The following ARMH3 variants were observed in gnomAD, a reference collection of about 807,000 sequenced individuals.
ARMH3 encodes armadillo-like helical domain-containing protein 3.
Under a neutral mutation model 99.1 loss-of-function variants are expected in ARMH3, and 60 were observed. The observed-to-expected ratio is 0.61, with a 90% CI of 0.49 to 0.75. The LOEUF is 0.75. Among genes scored for constraint, ARMH3 ranks in the 30% least tolerant of loss-of-function variants. The pLI is 0.00. For synonymous variants in ARMH3, 285 were observed against 292.8 expected, an observed-to-expected ratio of 0.97 and a Z score of 0.27; for missense variants, 679 against 843.1, an observed-to-expected ratio of 0.81 and a Z score of 2.41.
chr10:101,991,995 C>G lies in ARMH3; in HGVS notation c.1319G>C (p.Cys440Ser), dbSNP rs762298175. 5.0e-6 allele frequency: 8 copies of G among 1,614,002 alleles called. No individual in the cohort carries two copies. The highest frequency in any genetic ancestry group is 6.8e-6 in the Non-Finnish European group (8 of 1,180,004). Reference protein sequence around the residue: ...RKKAADKNLPCRPLVCAVLDL... With the variant: ...RKKAADKNLPSRPLVCAVLDL... The stretch of plus-strand genomic sequence containing the variant: ...CAGTACTGCACATACTAAAGGACGG[C>G]AGGGAAGATTCTTGTCTGCTGCCTT... The change falls in exon 18 of 26, where the codon TGC becomes TCC. Residue 440 changes from cysteine to serine, a missense_variant. Cys to Ser is a moderately radical substitution (Grantham distance 112). This residue lies in a region of ARMH3 where 389 missense variants were observed against 456.5 expected (regional missense o/e 0.85). Transcript: ENST00000370033.
chr10:102,004,067 A>G (rs947504904), intron 14 of ARMH3, among the ~76,000 whole-genome samples: 2 of 152,166 alleles, frequency 1.3e-5, no homozygotes, highest in Admixed American at 1.3e-4. Flanking sequence ...TATCTTATAT[A>G]ATATGTAGAA....
chr10:101,956,791 CTGT>C, intron 21 of ARMH3, 68 bp from the exon 22 acceptor site: 6 of 1,512,536 alleles, frequency 4.0e-6, no homozygotes, highest in Middle Eastern at 4.6e-4. Context: ...CAGTGGTATG[CTGT>C]AGCCAGCTCT....
intron 1 of ARMH3, among the ~76,000 whole-genome samples, chr10:102,041,020 C>T (rs951028404): frequency 6.8e-6 from 1 of 147,684 alleles, no homozygotes; most frequent in Non-Finnish European, 1.5e-5. Context: ...CAAAAAAATC[C>T]GATTTAAAAT....
At chr10:101,861,841 G>T (rs975086941) in intron 24 of ARMH3, among the ~76,000 whole-genome samples, 1 of 146,018 alleles carries the variant, frequency 6.8e-6, no homozygotes, top group African/African-American at 2.5e-5. Flanking sequence ...GACCATCCTG[G>T]CTAACACAGC....
At chr10:101,875,841 T>C (rs2067247346) in intron 24 of ARMH3, among the ~76,000 whole-genome samples, 1 of 152,200 alleles carries the variant, frequency 6.6e-6, no homozygotes, top group African/African-American at 2.4e-5. Flanking sequence ...TGAAGCTTTT[T>C]TCTTTTTTTC....
chr10:102,001,495 T>C (rs372448261), intron 15 of ARMH3, among the ~76,000 whole-genome samples: 1 of 152,194 alleles, frequency 6.6e-6, no homozygotes, highest in Admixed American at 6.5e-5. Flanking sequence ...CTTGCATTTC[T>C]AGGATGGGTA....
chr10:102,031,172 C>T (rs1056890321), intron 4 of ARMH3, among the ~76,000 whole-genome samples: 5 of 152,190 alleles, frequency 3.3e-5, no homozygotes, highest in African/African-American at 1.2e-4. Context: ...TCTTCATAAT[C>T]CTCATCCACT....
intron 14 of ARMH3, 143 bp downstream of exon 14, chr10:102,006,397 A>G (rs1237605336): frequency 6.5e-5 from 49 of 751,472 alleles, no homozygotes; most frequent in Non-Finnish European, 2.1e-6. Flanking sequence ...TTGGAAATTT[A>G]GGAGGCCTGA....
chr10:102,024,858 T>C (rs940350962), intron 6 of ARMH3, among the ~76,000 whole-genome samples: 1 of 151,788 alleles, frequency 6.6e-6, no homozygotes, highest in Non-Finnish European at 1.5e-5. Context: ...ACAAAAACTA[T>C]TTCCAAATGA....
chr10:102,007,575 T>C (rs1178893887), intron 13 of ARMH3, among the ~76,000 whole-genome samples: 1 of 148,734 alleles, frequency 6.7e-6, no homozygotes, highest in African/African-American at 2.5e-5. Flanking sequence ...ATCCCAGCAC[T>C]TTTGGGAGGC....
At chr10:101,862,380 C>T (rs959431966) in intron 24 of ARMH3, among the ~76,000 whole-genome samples, 12 of 152,264 alleles carry the variant, frequency 7.9e-5, no homozygotes, top group Admixed American at 3.9e-4. Context: ...AGTTCGAGAC[C>T]AGCCTGGCCA....
rs567873931 is a variant in ARMH3, at chr10:101,990,542, T to C, written c.1406+9A>G. ...TGTACACATTAAATGTGTACATATT[T>C]GTACTTACATATAGAGATCCATAGG... On this transcript the variant is annotated intron_variant, in intron 19 of 25. Coordinates refer to ENST00000370033, the MANE Select transcript of ARMH3 (RefSeq NM_024541.3). 1.8e-5 allele frequency: 27 copies of C among 1,542,696 alleles called. No individual in the cohort carries two copies. In the South Asian group the frequency reaches 3.0e-4, roughly 17 times the overall value.
intron 20 of ARMH3, among the ~76,000 whole-genome samples, chr10:101,972,646 C>A (rs999081981): frequency 6.6e-6 from 1 of 152,174 alleles, no homozygotes; most frequent in Admixed American, 6.5e-5. Flanking sequence ...TAGGATGCAA[C>A]GTTGTGTTTT....
chr10:102,043,402 T>C (rs764957801), intron 1 of ARMH3, among the ~76,000 whole-genome samples: 19 of 152,074 alleles, frequency 1.2e-4, no homozygotes, highest in Non-Finnish European at 2.2e-4. Flanking sequence ...CACAAATATA[T>C]AAAAAGCACC....
intron 20 of ARMH3, among the ~76,000 whole-genome samples, chr10:101,964,018 A>G (rs1409838264): frequency 6.6e-6 from 1 of 151,660 alleles, no homozygotes; most frequent in African/African-American, 2.4e-5. Flanking sequence ...CTGGGACTAC[A>G]GGCGCCCGCC....
intron 20 of ARMH3, among the ~76,000 whole-genome samples, chr10:101,967,754 G>C (rs1182198962): frequency 6.6e-6 from 1 of 152,076 alleles, no homozygotes; most frequent in Non-Finnish European, 1.5e-5. Flanking sequence ...GCAGGGGGCG[G>C]GGAACAACTC....
chr10:102,055,944 T>C, intron 1 of ARMH3, 141 bp downstream of exon 1: 1 of 152,306 alleles, frequency 6.6e-6, no homozygotes, highest in Non-Finnish European at 1.5e-5. Context: ...CCTCCCTCCC[T>C]CTCCCCTCGC....
intron 1 of ARMH3, among the ~76,000 whole-genome samples, chr10:102,042,005 C>A (rs535387616): frequency 6.6e-6 from 1 of 152,246 alleles, no homozygotes; most frequent in South Asian, 2.1e-4. Flanking sequence ...CCCTCAAATT[C>A]TGTTATGGTC....
intron 23 of ARMH3, among the ~76,000 whole-genome samples, chr10:101,934,840 A>G (rs1359271786): frequency 1.3e-5 from 2 of 152,096 alleles, no homozygotes; most frequent in African/African-American, 4.8e-5. Flanking sequence ...ACATCTTCCT[A>G]AAGTACAAGA....
Sources: allele counts gnomAD v4.1 joint callset (sites outside exome capture counted in the v4.1 genomes callset), GRCh38; gene constraint gnomAD v4.1.1; regional missense constraint gnomAD v4.1.1; transcripts MANE v1.5; gene names NCBI Gene and HGNC (gene_info 2026-07-23, HGNC 2026-07-21).